The following RNF38 variants were observed in gnomAD, a reference collection of about 807,000 sequenced individuals.
RNF38 encodes E3 ubiquitin-protein ligase RNF38.
A neutral mutation model predicts 67.2 loss-of-function variants in RNF38; 15 were observed. That is an observed-to-expected ratio of 0.22 (90% confidence interval 0.15 to 0.34). The LOEUF is 0.34. Ranked by LOEUF, RNF38 falls within the 10% of genes least tolerant of loss-of-function variation. The probability of loss-of-function intolerance (pLI) is 1.00; values close to 1 mark genes in which losing one functional copy is unlikely to be tolerated. For synonymous variants in RNF38, 220 were observed against 218.8 expected (o/e 1.01, Z -0.05); for missense variants, 524 against 639.9 (o/e 0.82, Z 1.95).
chr9:36,338,837 C>CTGAT lies in RNF38; in HGVS notation c.*911_*914dup, dbSNP rs916744065. On this transcript the variant is annotated 3_prime_UTR_variant, in exon 12 of 12. Coordinates refer to ENST00000259605, the MANE Select transcript of RNF38 (RefSeq NM_022781.5). ...AAAAAAAGTATCAACATTCAAATCA[C>CTGAT]TGATTGAAATGCTAATATTGCTAAC... is the stretch of plus-strand genomic sequence containing the variant. 4 of 152,514 alleles carry CTGAT rather than the reference C, an allele frequency of 2.6e-5. No individual in the cohort carries two copies. The highest frequency in any genetic ancestry group is 4.4e-5 in the Non-Finnish European group (3 of 68,020). The allele number at this position is 152,514 out of a possible 1,614,324, so 9.4% of individuals were successfully genotyped here.
intron 1 of RNF38, among the ~76,000 whole-genome samples, chr9:36,451,492 T>C (rs10972910): frequency 3.4e-5 from 1 of 29,210 alleles, no homozygotes; most frequent in Non-Finnish European, 6.6e-5. Context: ...ATTGTAGTAG[T>C]TTTTTTTTTT....
intron 3 of RNF38, among the ~76,000 whole-genome samples, chr9:36,375,498 A>G (rs988688228): frequency 6.6e-6 from 1 of 152,168 alleles, no homozygotes; most frequent in Non-Finnish European, 1.5e-5. Context: ...CCAAGTCTCC[A>G]TGGGTTTATA....
At chr9:36,389,737 C>T (rs1268661215) in intron 2 of RNF38, among the ~76,000 whole-genome samples, 1 of 152,172 alleles carries the variant, frequency 6.6e-6, no homozygotes, top group Non-Finnish European at 1.5e-5. Flanking sequence ...ATTCAAAAGT[C>T]CCAGCCTTGA....
chr9:36,436,238 T>C (rs959106116), intron 1 of RNF38, among the ~76,000 whole-genome samples: 1 of 152,124 alleles, frequency 6.6e-6, no homozygotes, highest in African/African-American at 2.4e-5. Flanking sequence ...AAAGAGTGGG[T>C]AGAAAAGTAA....
At chr9:36,440,043 C>T (rs1257527169) in intron 1 of RNF38, among the ~76,000 whole-genome samples, 3 of 151,852 alleles carry the variant, frequency 2.0e-5, no homozygotes, top group South Asian at 2.1e-4. Context: ...GTCAGGAGTT[C>T]GAGGCCAGCC....
chr9:36,395,217 C>T (rs903018913), intron 1 of RNF38, among the ~76,000 whole-genome samples: 3 of 152,142 alleles, frequency 2.0e-5, no homozygotes, highest in Non-Finnish European at 4.4e-5. Flanking sequence ...TTCTTGGAGA[C>T]TTGCAGGTAT....
intron 3 of RNF38, chr9:36,372,586 T>C: frequency 2.8e-6 from 2 of 712,708 alleles, no homozygotes. Flanking sequence ...AATATGCTTA[T>C]AGGTAACCTA....
Position 36,390,587 on chromosome 9 carries a change from T to C in RNF38, c.42A>G (p.Leu14=). 6.2e-7 allele frequency: 1 copy of C among 1,613,950 alleles called. No homozygotes were observed. Among genetic ancestry groups the C allele is most frequent in the South Asian group, 1.1e-5 (1 of 91,064 alleles). Residue 14 remains leucine, a synonymous_variant, in exon 2 of 12, where the codon CTA becomes CTG. Coordinates refer to ENST00000259605, the MANE Select transcript of RNF38 (RefSeq NM_022781.5). ...AAATCACCTTGTTAGGATGGCCAGGTAGAGATGCTGAATTGGCCCCGGGAG... is the reference window on the plus strand; with the variant it reads ...AAATCACCTTGTTAGGATGGCCAGGCAGAGATGCTGAATTGGCCCCGGGAG... ...KISPGANSAS[L]PGHPNKVICE...
chr9:36,420,518 C>G, intron 2 of RNF38, among the ~76,000 whole-genome samples: 1 of 70,344 alleles, frequency 1.4e-5, no homozygotes, highest in Non-Finnish European at 3.6e-5. Flanking sequence ...GGCAACAGAG[C>G]AAGACTCTGT....
chr9:36,425,687 CCT>C (rs1217461131), intron 1 of RNF38, among the ~76,000 whole-genome samples: 2 of 151,742 alleles, frequency 1.3e-5, no homozygotes, highest in African/African-American at 2.4e-5. Flanking sequence ...TGAGTGAGAC[CCT>C]GTTTCAAAAA....
chr9:36,396,299 C>T (rs944804560), intron 1 of RNF38, among the ~76,000 whole-genome samples: 1 of 152,214 alleles, frequency 6.6e-6, no homozygotes, highest in African/African-American at 2.4e-5. Context: ...CTGATGCACT[C>T]ACCTGCAGGT....
chr9:36,401,196 A>G, upstream of RNF38: 1 of 880,556 alleles, frequency 1.1e-6, no homozygotes, highest in Non-Finnish European at 1.3e-6. Flanking sequence ...CCCGAGGGGG[A>G]AGGGGGCGGG....
chr9:36,391,905 G>A (rs1213645859), intron 1 of RNF38, among the ~76,000 whole-genome samples: 1 of 152,078 alleles, frequency 6.6e-6, no homozygotes, highest in Non-Finnish European at 1.5e-5. Flanking sequence ...GAGCCACTGC[G>A]CCCGGCCCGT....
At chr9:36,461,667 G>A (rs1839735937) in intron 1 of RNF38, among the ~76,000 whole-genome samples, 1 of 152,126 alleles carries the variant, frequency 6.6e-6, no homozygotes. Flanking sequence ...GTGAAAAGAG[G>A]TGAAACAATA....
At chr9:36,340,502 G>T (rs543831455) in intron 11 of RNF38, among the ~76,000 whole-genome samples, 1 of 152,160 alleles carries the variant, frequency 6.6e-6, no homozygotes, top group African/African-American at 2.4e-5. Flanking sequence ...TCCTGCTTCA[G>T]CTTCCTGAAA....
intron 1 of RNF38, among the ~76,000 whole-genome samples, chr9:36,480,798 C>T (rs1440934934): frequency 6.6e-6 from 1 of 151,840 alleles, no homozygotes; most frequent in Admixed American, 6.6e-5. Flanking sequence ...TATCCACCCG[C>T]CTTGGCCTCC....
intron 1 of RNF38, among the ~76,000 whole-genome samples, chr9:36,448,506 T>C (rs531654554): frequency 4.6e-5 from 7 of 152,206 alleles, no homozygotes; most frequent in African/African-American, 1.4e-4. Context: ...GGTGGTATAG[T>C]ACAAATAGTC....
At chr9:36,433,568 T>A (rs78604699) in intron 1 of RNF38, among the ~76,000 whole-genome samples, 17,664 of 151,496 alleles carry the variant, frequency 0.12, 1,284 homozygotes, top group East Asian at 0.31. Context: ...ACACCTGTAA[T>A]CCTAGCTACT....
chr9:36,439,621 A>G (rs192027987), intron 1 of RNF38, among the ~76,000 whole-genome samples: 1 of 152,088 alleles, frequency 6.6e-6, no homozygotes, highest in African/African-American at 2.4e-5. Flanking sequence ...CCTGACCAAC[A>G]TGGCAAAACC....
Sources: allele counts gnomAD v4.1 joint callset (sites outside exome capture counted in the v4.1 genomes callset), GRCh38; gene constraint gnomAD v4.1.1; transcripts MANE v1.5; gene names NCBI Gene and HGNC (gene_info 2026-07-23, HGNC 2026-07-21).